Variants in ARHGAP32 observed in about 807,000 individuals in gnomAD.
ARHGAP32 encodes rho GTPase-activating protein 32.
ARHGAP32 carries 51 observed loss-of-function variants against 186.5 expected under a neutral mutation model. The observed-to-expected ratio is 0.27, with a 90% CI of 0.22 to 0.35. The LOEUF is 0.35. Ranked by LOEUF, ARHGAP32 falls within the 10% of genes least tolerant of loss-of-function variation. The probability of loss-of-function intolerance (pLI) is 1.00; values close to 1 mark genes in which losing one functional copy is unlikely to be tolerated. For synonymous variants in ARHGAP32, 950 were observed against 964.3 expected, an observed-to-expected ratio of 0.99 and a Z score of 0.27; for missense variants, 2,186 against 2,623.5, an observed-to-expected ratio of 0.83 and a Z score of 3.64.
intron 1 of ARHGAP32, among the ~76,000 whole-genome samples, chr11:129,168,129 C>T (rs1388183282): frequency 3.3e-5 from 5 of 152,042 alleles, no homozygotes; most frequent in Non-Finnish European, 7.4e-5. Context: ...ACCTGTGGTC[C>T]CAGCTTCTCC....
intron 2 of ARHGAP32, chr11:129,126,089 C>A: frequency 7.2e-6 from 2 of 277,748 alleles, no homozygotes; most frequent in Non-Finnish European, 1.4e-5. Context: ...TCAATTATAC[C>A]CTATCATACT....
At chr11:129,216,234 G>A (rs1451530394) in intron 1 of ARHGAP32, among the ~76,000 whole-genome samples, 4 of 151,962 alleles carry the variant, frequency 2.6e-5, no homozygotes, top group Admixed American at 2.0e-4. Flanking sequence ...CAGGTTCCAG[G>A]GATTCGGATG....
At position 128,969,045 on chromosome 11, in the gene ARHGAP32, CCCTCCAAAGACT is replaced by C; in HGVS notation, c.6156_6167del (p.Val2053_Gly2056del). ...GGGGCACATACGTCCCCATGCCGCC[CCCTCCAAAGACT>C]CCTCGCTGGTGCTGAGGCAGGGAGT... On this transcript the variant is annotated inframe_deletion, in exon 23 of 23. Transcript: ENST00000682385. This position sits in a 1 kb window ranked among gnomAD's most constrained non-coding sequence, Gnocchi z 4.8. 6.2e-7 allele frequency: 1 copy of C among 1,612,368 alleles called. No homozygotes were observed.
At position 129,097,111 on chromosome 11, in the gene ARHGAP32, C is replaced by CAA. The variant is rs964246293; in HGVS notation, c.445-3406_445-3405dup. Reference sequence around the variant, plus strand: ...TCATTAGATTCAAATGTCCATTTTTCAAAAAAAAAAAAATCACAAGGCATA... The same window carrying CAA: ...TCATTAGATTCAAATGTCCATTTTTCAAAAAAAAAAAAAAATCACAAGGCATA... On this transcript the variant is annotated intron_variant, in intron 5 of 22. Coordinates refer to ENST00000682385, the MANE Select transcript of ARHGAP32 (RefSeq NM_001378024.1). Among the ~76,000 whole-genome samples, 8 of 135,346 alleles carry CAA rather than the reference C, an allele frequency of 5.9e-5. No homozygotes were observed. In the East Asian group the frequency reaches 1.5e-3, roughly 25 times the overall value. The allele number at this position is 135,346 out of a possible 152,430, so 88.8% of individuals were successfully genotyped here.
At chr11:129,155,672 T>C (rs1441354163) in intron 2 of ARHGAP32, among the ~76,000 whole-genome samples, 1 of 152,044 alleles carries the variant, frequency 6.6e-6, no homozygotes, top group Non-Finnish European at 1.5e-5. Context: ...TCAAATCACA[T>C]TTGATTGCAG....
chr11:129,217,970 C>A (rs374125635), intron 1 of ARHGAP32, among the ~76,000 whole-genome samples: 1 of 152,100 alleles, frequency 6.6e-6, no homozygotes, highest in Non-Finnish European at 1.5e-5. Flanking sequence ...GAGAAGGACA[C>A]TGGGAGAATT....
chr11:129,069,607 C>G (rs976396288), intron 6 of ARHGAP32, among the ~76,000 whole-genome samples: 1 of 152,040 alleles, frequency 6.6e-6, no homozygotes, highest in African/African-American at 2.4e-5. Flanking sequence ...TCCATATTGG[C>G]TGAATCATCA....
intron 11 of ARHGAP32, among the ~76,000 whole-genome samples, chr11:129,030,020 T>A (rs976915494): frequency 1.3e-5 from 2 of 152,206 alleles, no homozygotes; most frequent in African/African-American, 2.4e-5. Context: ...TCTTGATCTA[T>A]CCTTTGCAAT....
intron 1 of ARHGAP32, among the ~76,000 whole-genome samples, chr11:129,249,970 T>C (rs1945157174): frequency 6.6e-6 from 1 of 151,704 alleles, no homozygotes; most frequent in Non-Finnish European, 1.5e-5. Flanking sequence ...CTCAGCACTT[T>C]AGGAGGCTGA....
rs1327917849 is a variant in ARHGAP32 at position 128,974,134 on chromosome 11, C to G, written c.3063G>C (p.Gln1021His). ...SSQSKAVASG[Q>H]TQTGAVTHDP... is the part of the protein sequence containing the mutation. ...GAAAACAAACGGTACCTGTCTGAGT[C>G]TGTCCAGAAGCTACAGCCTTACTCT... Residue 1021 changes from glutamine (Q) to histidine (H), a missense_variant, in exon 21 of 23, where the codon CAG becomes CAC. This residue lies in a region of ARHGAP32 where 1,502 missense variants were observed against 1,570.0 expected (regional missense o/e 0.96). Coordinates refer to ENST00000682385, the MANE Select transcript of ARHGAP32 (RefSeq NM_001378024.1). 1 of 1,614,144 alleles carries G rather than the reference C, an allele frequency of 6.2e-7. No individual in the cohort carries two copies. Among genetic ancestry groups the G allele is most frequent in the African/African-American group, 1.3e-5 (1 of 75,064 alleles).
chr11:129,258,750 G>A (rs190669655), intron 1 of ARHGAP32, among the ~76,000 whole-genome samples: 1 of 152,142 alleles, frequency 6.6e-6, no homozygotes, highest in Non-Finnish European at 1.5e-5. Flanking sequence ...TTTTTCACAG[G>A]ACTATGATGA....
chr11:129,200,558 C>T (rs550971552), intron 1 of ARHGAP32, among the ~76,000 whole-genome samples: 1 of 152,240 alleles, frequency 6.6e-6, no homozygotes, highest in Non-Finnish European at 1.5e-5. Context: ...TGTGAGGCCT[C>T]CCGAGCCACA....
At chr11:129,099,189 A>G (rs1434476996) in intron 5 of ARHGAP32, among the ~76,000 whole-genome samples, 1 of 152,256 alleles carries the variant, frequency 6.6e-6, no homozygotes, top group Non-Finnish European at 1.5e-5. Flanking sequence ...TAACAAAGTA[A>G]CATAATTCAA....
intron 1 of ARHGAP32, among the ~76,000 whole-genome samples, chr11:129,248,899 T>C (rs1169613334): frequency 6.6e-6 from 1 of 152,154 alleles, no homozygotes; most frequent in Non-Finnish European, 1.5e-5. Flanking sequence ...GTGCAAAACA[T>C]AGTATATAGT....
At chr11:129,279,228 C>G (rs1945578675) in exon 1 of ARHGAP32, 1 of 46,164 alleles carries the variant, frequency 2.2e-5, no homozygotes, top group Admixed American at 1.8e-4. Context: ...GGGCCGGGCC[C>G]GACGCCCTCC....
rs773467812 is a variant in ARHGAP32, at chr11:128,970,590, T to C, written c.4623A>G (p.Pro1541=). The part of the protein sequence containing the change: ...HQVYGARSEP[P]ASMGLRYNTY... ...TGTTATAACGAAGACCCATGGAGGC[T>C]GGTGGCTCTGACCTGGCACCATACA... The change falls in exon 23 of 23, where the codon CCA becomes CCG. Residue 1541 remains proline, a synonymous_variant. Coordinates refer to ENST00000682385, the MANE Select transcript of ARHGAP32 (RefSeq NM_001378024.1). The surrounding 1 kb of genome is among the most constrained non-coding windows in gnomAD (Gnocchi z 5.8). 6.2e-7 allele frequency: 1 copy of C among 1,614,170 alleles called. No individual in the cohort carries two copies. The highest frequency in any genetic ancestry group is 8.5e-7 in the Non-Finnish European group (1 of 1,180,034).
At chr11:129,251,080 G>C (rs1017456344) in intron 1 of ARHGAP32, among the ~76,000 whole-genome samples, 7 of 152,150 alleles carry the variant, frequency 4.6e-5, no homozygotes, top group African/African-American at 1.7e-4. Context: ...TCAGATACTG[G>C]TTAAGAGAAT....
chr11:129,233,107 T>C (rs1459274349), intron 1 of ARHGAP32, among the ~76,000 whole-genome samples: 1 of 152,062 alleles, frequency 6.6e-6, no homozygotes, highest in East Asian at 1.9e-4. Context: ...GAGTATAATA[T>C]TATACTCCAA....
rs543427349 is a variant in ARHGAP32, at chr11:129,177,534, C to G, written c.117-13107G>C. On this transcript the variant is annotated intron_variant, in intron 1 of 22. Coordinates refer to ENST00000682385, the MANE Select transcript of ARHGAP32 (RefSeq NM_001378024.1). ...CTTGATGAACATTGATGCAAAAACC[C>G]TTAATAAAATACTGGCAAACTGAAT... 2.0e-4 allele frequency among the ~76,000 whole-genome samples: 31 copies of G among 152,272 alleles called. No homozygotes were observed. The South Asian group carries it at 6.4e-3, about 32-fold the overall frequency.
Sources: gnomAD v4.1 joint callset for allele counts (sites outside exome capture counted in the v4.1 genomes callset) on GRCh38, gnomAD v4.1.1 for gene constraint, gnomAD v4.1.1 regional missense constraint, Gnocchi (gnomAD v3.1) non-coding constraint, MANE v1.5 for transcripts, NCBI Gene and HGNC (gene_info 2026-07-23, HGNC 2026-07-21) for gene names.